The following EPHB2 variants were observed in gnomAD, a reference collection of about 807,000 sequenced individuals.
The protein encoded by EPHB2 is ephrin type-B receptor 2.
In EPHB2, 18 loss-of-function variants were observed where a neutral mutation model predicts 96.4. That is an observed-to-expected ratio of 0.19 (90% CI 0.13 to 0.28). The LOEUF (loss-of-function observed/expected upper bound fraction) is 0.28, where lower values mean the gene tolerates loss of function less well. Ranked by LOEUF, EPHB2 falls within the 10% of genes least tolerant of loss-of-function variation. The pLI is 1.00. For synonymous variants in EPHB2, 506 were observed against 534.1 expected (o/e 0.95, Z 0.72); for missense variants, 989 against 1,355.4 (o/e 0.73, Z 4.25).
At chr1:22,874,109 C>T (rs959422681) in intron 5 of EPHB2, among the ~76,000 whole-genome samples, 2 of 152,190 alleles carry the variant, frequency 1.3e-5, no homozygotes, top group Non-Finnish European at 2.9e-5. Flanking sequence ...ACCGCCACCA[C>T]TATTCCAGAG....
chr1:22,815,817 G>T (rs563514002), intron 3 of EPHB2, among the ~76,000 whole-genome samples: 1 of 152,312 alleles, frequency 6.6e-6, no homozygotes, highest in South Asian at 2.1e-4. Context: ...GGGGCTGGAA[G>T]CATGGCTGGG....
intron 3 of EPHB2, among the ~76,000 whole-genome samples, chr1:22,824,059 A>C (rs1187832903): frequency 1.3e-5 from 2 of 152,212 alleles, no homozygotes; most frequent in Non-Finnish European, 2.9e-5. Context: ...TATTCATGCT[A>C]AATAAATGGC....
At chr1:22,766,985 GC>G (rs1644316147) in intron 1 of EPHB2, among the ~76,000 whole-genome samples, 1 of 152,236 alleles carries the variant, frequency 6.6e-6, no homozygotes, top group African/African-American at 2.4e-5. Context: ...GAGTGGCACA[GC>G]CAGCAGCTTG....
chr1:22,750,454 C>T (rs749611488), intron 1 of EPHB2, among the ~76,000 whole-genome samples: 1 of 152,176 alleles, frequency 6.6e-6, no homozygotes, highest in African/African-American at 2.4e-5. Context: ...GAGTGTCAGA[C>T]GGAGCAGGCT....
intron 3 of EPHB2, among the ~76,000 whole-genome samples, chr1:22,802,638 C>G (rs145296138): frequency 2.0e-5 from 3 of 152,212 alleles, no homozygotes; most frequent in South Asian, 4.2e-4. Flanking sequence ...TGTCTCATCC[C>G]CCTGTCCACC....
chr1:22,840,506 G>T (rs1475283649), intron 3 of EPHB2, among the ~76,000 whole-genome samples: 1 of 152,118 alleles, frequency 6.6e-6, no homozygotes, highest in African/African-American at 2.4e-5. Context: ...TATCGCCCAG[G>T]CTGGAGTGCA....
intron 1 of EPHB2, among the ~76,000 whole-genome samples, chr1:22,759,441 C>A (rs993983090): frequency 1.3e-5 from 2 of 152,112 alleles, no homozygotes; most frequent in African/African-American, 4.8e-5. Context: ...TGCCACCCTG[C>A]CCCCATTATC....
At chr1:22,803,955 C>A (rs1333574341) in intron 3 of EPHB2, among the ~76,000 whole-genome samples, 1 of 151,948 alleles carries the variant, frequency 6.6e-6, no homozygotes, top group Middle Eastern at 3.2e-3. Flanking sequence ...GGTTAGGAGG[C>A]CACAGTGCCA....
intron 3 of EPHB2, among the ~76,000 whole-genome samples, chr1:22,832,784 TCAGC>T (rs1645325092): frequency 6.6e-6 from 1 of 152,168 alleles, no homozygotes; most frequent in African/African-American, 2.4e-5. Context: ...CTTTGAGGGT[TCAGC>T]CAATACTTTA....
intron 1 of EPHB2, among the ~76,000 whole-genome samples, chr1:22,757,908 C>CTTTTTTTTTT (rs1224799943): frequency 1.8e-5 from 1 of 54,136 alleles, no homozygotes; most frequent in African/African-American, 7.3e-5. Flanking sequence ...GTAAGCTATG[C>CTTTTTTTTTT]TTTTTTTTTT....
In EPHB2 at chr1:22,893,059, C is replaced by T. The variant is rs1408728806; in HGVS notation, c.1591+13C>T. 6.2e-7 allele frequency: 1 copy of T among 1,614,168 alleles called. No homozygotes were observed. The highest frequency in any genetic ancestry group is 8.5e-7 in the Non-Finnish European group (1 of 1,180,034). On this transcript the variant is annotated intron_variant, in intron 7 of 15. Transcript: ENST00000374630. ...ACCATGACAGAAGGTGAGCAGAGTC[C>T]AGCGGGCAAGAGGAGGGCACAGACT...
At position 22,864,929 on chromosome 1, in the gene EPHB2, C is replaced by G; in HGVS notation, c.1020C>G (p.Leu340=). 1 of 1,607,246 alleles carries G rather than the reference C, an allele frequency of 6.2e-7. No individual in the cohort carries two copies. The highest frequency in any genetic ancestry group is 8.5e-7 in the Non-Finnish European group (1 of 1,176,690). The change falls in exon 5 of 16, where the codon CTC becomes CTG. Residue 340 remains leucine, a synonymous_variant. Coordinates refer to ENST00000374630, the MANE Select transcript of EPHB2 (RefSeq NM_017449.5). The part of the protein sequence containing the change: ...AVISSVNETS[L]MLEWTPPRDS... Reference sequence around the variant, plus strand: ...TTTCCAGTGTCAATGAGACCTCCCTCATGCTGGAGTGGACCCCTCCCCGCG... The same window carrying G: ...TTTCCAGTGTCAATGAGACCTCCCTGATGCTGGAGTGGACCCCTCCCCGCG...
chr1:22,897,162 A>G (rs1299801006), intron 9 of EPHB2, among the ~76,000 whole-genome samples: 1 of 152,112 alleles, frequency 6.6e-6, no homozygotes, highest in African/African-American at 2.4e-5. Flanking sequence ...CTGGGGATGT[A>G]TGTGCCACAC....
At chr1:22,824,261 G>A (rs1027371725) in intron 3 of EPHB2, among the ~76,000 whole-genome samples, 1 of 151,802 alleles carries the variant, frequency 6.6e-6, no homozygotes, top group Admixed American at 6.6e-5. Context: ...CTGATGGATG[G>A]GGGAAGGAAG....
At chr1:22,865,444 G>A (rs1018410422) in intron 5 of EPHB2, among the ~76,000 whole-genome samples, 24 of 152,212 alleles carry the variant, frequency 1.6e-4, no homozygotes, top group African/African-American at 5.5e-4. Context: ...AAGTTAAGCT[G>A]CTGTAACAAA....
chr1:22,892,226 G>A (rs1033178694), intron 6 of EPHB2, among the ~76,000 whole-genome samples: 1 of 152,156 alleles, frequency 6.6e-6, no homozygotes, highest in African/African-American at 2.4e-5. Context: ...AACTCATCAA[G>A]GCATAGGGCA....
At chr1:22,748,714 G>A (rs183606147) in intron 1 of EPHB2, among the ~76,000 whole-genome samples, 12 of 150,434 alleles carry the variant, frequency 8.0e-5, no homozygotes, top group Admixed American at 2.0e-4. Flanking sequence ...TGATTCTAAT[G>A]TCCTGAGATA....
intron 3 of EPHB2, among the ~76,000 whole-genome samples, chr1:22,789,081 C>T (rs1439335762): frequency 6.6e-6 from 1 of 152,090 alleles, no homozygotes; most frequent in African/African-American, 2.4e-5. Context: ...ACAAGCAGTC[C>T]TGATGATTCT....
intron 5 of EPHB2, among the ~76,000 whole-genome samples, chr1:22,880,098 G>A (rs1239904789): frequency 6.6e-6 from 1 of 152,152 alleles, no homozygotes; most frequent in Non-Finnish European, 1.5e-5. Context: ...GAACATTGGA[G>A]CCTCGAGGCC....
Sources: gnomAD v4.1 joint callset for allele counts (sites outside exome capture counted in the v4.1 genomes callset) on GRCh38, gnomAD v4.1.1 for gene constraint, MANE v1.5 for transcripts, NCBI Gene and HGNC (gene_info 2026-07-23, HGNC 2026-07-21) for gene names.